LPXN: variants seen among roughly 807,000 people sequenced by gnomAD.
LPXN encodes the protein leupaxin.
LPXN carries 28 observed loss-of-function variants against 45.6 expected under a neutral mutation model. That is an observed-to-expected ratio of 0.61 (90% confidence interval 0.45 to 0.84). LPXN has a LOEUF of 0.84. Ranked by LOEUF, LPXN falls within the 40% of genes least tolerant of loss-of-function variation. LPXN has a pLI of 0.00. For synonymous variants in LPXN, 166 were observed against 169.9 expected, an observed-to-expected ratio of 0.98 and a Z score of 0.18; for missense variants, 459 against 475.0, an observed-to-expected ratio of 0.97 and a Z score of 0.31.
Position 58,527,356 on chromosome 11 carries a change from T to C in LPXN, c.*98A>G. 1 of 1,257,296 alleles carries C rather than the reference T, an allele frequency of 8.0e-7. No homozygotes were observed. The highest frequency in any genetic ancestry group is 1.1e-6 in the Non-Finnish European group (1 of 882,780). 77.9% of individuals were successfully genotyped at this position (1,257,296 alleles called of 1,614,324 possible). On this transcript the variant is annotated 3_prime_UTR_variant, in exon 9 of 9. Transcript: ENST00000395074. ...ATCACCTTTCCTTTTTCTATAAGAC[T>C]ATTAAGCAGAAGGTCAGTAACAGAA...
intron 7 of LPXN, among the ~76,000 whole-genome samples, chr11:58,529,793 G>A (rs750979649): frequency 1.3e-5 from 2 of 152,116 alleles, no homozygotes; most frequent in Non-Finnish European, 2.9e-5. Flanking sequence ...CAGTGAGATC[G>A]ATGCAGAAGG....
At chr11:58,555,971 GAAAT>G (rs1476261607) in intron 3 of LPXN, among the ~76,000 whole-genome samples, 1 of 151,828 alleles carries the variant, frequency 6.6e-6, no homozygotes, top group Non-Finnish European at 1.5e-5. Flanking sequence ...CAGAAAACAA[GAAAT>G]AAAACAAAAA....
intron 3 of LPXN, 150 bp from the exon 4 acceptor site, chr11:58,555,090 A>T (rs1456426117): frequency 1.7e-6 from 1 of 575,448 alleles, no homozygotes; most frequent in African/African-American, 1.9e-5. Flanking sequence ...AAATATATTA[A>T]TATGTACTAG....
At chr11:58,547,769 C>T (rs1285742159) in intron 7 of LPXN, among the ~76,000 whole-genome samples, 1 of 152,116 alleles carries the variant, frequency 6.6e-6, no homozygotes, top group Non-Finnish European at 1.5e-5. Flanking sequence ...TGTTTTGTTT[C>T]TTAAATTGAT....
At chr11:58,578,132 G>T, upstream of LPXN, 1 of 1,492,386 alleles carries the variant, frequency 6.7e-7, no homozygotes. Flanking sequence ...CCCGAGAAAG[G>T]TACGCCAACG....
At chr11:58,548,340 C>T (rs72919739) in intron 7 of LPXN, among the ~76,000 whole-genome samples, 5 of 151,456 alleles carry the variant, frequency 3.3e-5, no homozygotes, top group Non-Finnish European at 5.9e-5. Context: ...AGAGTAATTA[C>T]TAGATATAAT....
At chr11:58,567,975 A>G (rs1369348421) in intron 2 of LPXN, among the ~76,000 whole-genome samples, 1 of 152,218 alleles carries the variant, frequency 6.6e-6, no homozygotes, top group African/African-American at 2.4e-5. Context: ...CTTAGCCTCT[A>G]TTTCCTAAAC....
chr11:58,561,325 G>A (rs1308584955), intron 3 of LPXN, among the ~76,000 whole-genome samples: 1 of 152,062 alleles, frequency 6.6e-6, no homozygotes, highest in Non-Finnish European at 1.5e-5. Context: ...TTTTGGATAC[G>A]ACATATCTCA....
At chr11:58,577,948 G>T, upstream of LPXN, 2 of 1,526,466 alleles carry the variant, frequency 1.3e-6, no homozygotes, top group Non-Finnish European at 1.8e-6. Context: ...GGGCTCCGAG[G>T]GCCCAAGGAC....
chr11:58,536,730 A>G (rs1308102950), intron 7 of LPXN, among the ~76,000 whole-genome samples: 1 of 152,088 alleles, frequency 6.6e-6, no homozygotes, highest in African/African-American at 2.4e-5. Flanking sequence ...GCAATCTACA[A>G]AATTGGAGAA....
chr11:58,566,166 A>AT (rs1329983374), intron 2 of LPXN, among the ~76,000 whole-genome samples: 2 of 152,070 alleles, frequency 1.3e-5, no homozygotes, highest in Admixed American at 6.5e-5. Context: ...TTAAACAGTT[A>AT]TTTTTTTATA....
At chr11:58,535,480 T>C (rs945673009) in intron 7 of LPXN, among the ~76,000 whole-genome samples, 1 of 152,168 alleles carries the variant, frequency 6.6e-6, no homozygotes, top group Non-Finnish European at 1.5e-5. Flanking sequence ...CCCTTCATGA[T>C]AAAATCTCTT....
intron 7 of LPXN, among the ~76,000 whole-genome samples, chr11:58,547,656 G>A (rs961219179): frequency 6.6e-6 from 1 of 152,176 alleles, no homozygotes; most frequent in Non-Finnish European, 1.5e-5. Flanking sequence ...CTCGCCTCCT[G>A]CAGCTTGAAG....
rs1430211181 is a variant in LPXN, at chr11:58,550,017, G to C, written c.616C>G (p.Leu206Val). The C allele has an allele frequency of 1.2e-6, 2 of 1,614,088 alleles. No homozygotes were observed. The highest frequency in any genetic ancestry group is 8.5e-7 in the Non-Finnish European group (1 of 1,180,052). Residue 206 changes from leucine (L) to valine (V), a missense_variant, in exon 6 of 9, where the codon CTT becomes GTT. Coordinates refer to ENST00000395074, the MANE Select transcript of LPXN (RefSeq NM_004811.3). ...CAGTAAGCACAGCGTGGAGAAAAAA[G>C]TTGGTGGTAGTCGTTGGGGCAGTAG... ...LAYCPNDYHQ[L>V]FSPRCAYCAA... is the part of the protein sequence containing the mutation.
chr11:58,561,457 G>A (rs1854374144), intron 3 of LPXN, among the ~76,000 whole-genome samples: 1 of 152,072 alleles, frequency 6.6e-6, no homozygotes, highest in African/African-American at 2.4e-5. Context: ...AAGATTTTTT[G>A]TTTTAATCTG....
At position 58,527,465 on chromosome 11, in the gene LPXN, A is replaced by G. The variant is rs1853257230; in HGVS notation, c.1150T>C (p.Phe384Leu). The change falls in exon 9 of 9, where the codon TTC (phenylalanine) becomes CTC (leucine). Residue 384 changes from phenylalanine (F) to leucine (L), a missense_variant. Transcript: ENST00000395074. Reference protein sequence around the residue: ...TYCQPCFNKLFPL With the variant: ...TYCQPCFNKLLPL ...TGGATCAGTTGGCATTACAGTGGGA[A>G]GAGCTTATTGAAGCAAGGTTGACAA... is the stretch of plus-strand genomic sequence containing the variant. The G allele has an allele frequency of 6.2e-7, 1 of 1,614,058 alleles. No individual in the cohort carries two copies. Among genetic ancestry groups the G allele is most frequent in the African/African-American group, 1.3e-5 (1 of 75,058 alleles).
intron 7 of LPXN, among the ~76,000 whole-genome samples, chr11:58,535,665 G>T (rs3133440): frequency 1.3e-5 from 2 of 151,970 alleles, no homozygotes; most frequent in African/African-American, 4.8e-5. Flanking sequence ...GGAAGTTCTC[G>T]CTAGGGCAAT....
At chr11:58,564,110 C>T (rs775938579) in intron 3 of LPXN, 45 bp downstream of exon 3, 6 of 1,178,752 alleles carry the variant, frequency 5.1e-6, no homozygotes, top group Non-Finnish European at 7.4e-6. Flanking sequence ...TAACAATTAT[C>T]TACTAACTTT....
At chr11:58,564,459 G>A (rs1439706676) in intron 2 of LPXN, among the ~76,000 whole-genome samples, 1 of 152,178 alleles carries the variant, frequency 6.6e-6, no homozygotes, top group Non-Finnish European at 1.5e-5. Flanking sequence ...CCCAAATAGA[G>A]AAGTTGATCC....
Sources: allele counts gnomAD v4.1 joint callset (sites outside exome capture counted in the v4.1 genomes callset), GRCh38; gene constraint gnomAD v4.1.1; transcripts MANE v1.5; gene names NCBI Gene and HGNC (gene_info 2026-07-23, HGNC 2026-07-21).